Variants in VAC14 observed in about 807,000 individuals in gnomAD.
The protein encoded by VAC14 is protein VAC14 homolog.
VAC14 carries 47 observed loss-of-function variants against 85.3 expected under a neutral mutation model. The observed-to-expected ratio is 0.55, with a 90% confidence interval of 0.44 to 0.70. The LOEUF (loss-of-function observed/expected upper bound fraction) is 0.70, where lower values mean the gene tolerates loss of function less well. VAC14 is among the 30% of genes least tolerant of loss of function. VAC14 has a pLI of 0.00. For missense variants in VAC14, 861 were observed against 1,004.3 expected (o/e 0.86, Z 1.93); for synonymous variants, 447 against 430.5 (o/e 1.04, Z -0.47).
intron 12 of VAC14, among the ~76,000 whole-genome samples, chr16:70,757,187 G>A (rs903075969): frequency 3.9e-5 from 6 of 152,186 alleles, no homozygotes; most frequent in Non-Finnish European, 8.8e-5. Flanking sequence ...AGGCCCAACT[G>A]CAAAGAAAAC....
At chr16:70,692,743 A>T in intron 18 of VAC14, 78 bp downstream of exon 18, 1 of 1,531,596 alleles carries the variant, frequency 6.5e-7, no homozygotes, top group African/African-American at 1.4e-5. Flanking sequence ...AGCCCCTGGC[A>T]AGGCCCTTCC....
chr16:70,738,815 C>T (rs2029964595), intron 13 of VAC14, among the ~76,000 whole-genome samples: 1 of 152,218 alleles, frequency 6.6e-6, no homozygotes, highest in South Asian at 2.1e-4. Context: ...GTGTGGCCTG[C>T]CATGACGCTA....
At chr16:70,788,737 G>A (rs1051380426) in intron 1 of VAC14, among the ~76,000 whole-genome samples, 6 of 152,204 alleles carry the variant, frequency 3.9e-5, no homozygotes, top group Non-Finnish European at 8.8e-5. Context: ...CCATGCGGGC[G>A]GCCGGGCTTC....
chr16:70,721,977 T>C lies in VAC14; in HGVS notation c.1661+9518A>G, dbSNP rs993570452. ...GGAGGGCACCTCAGCTCTGGGGTCTTTGGATGGCTATGCAGTACCCTGCAG... is the reference window on the plus strand; with the variant it reads ...GGAGGGCACCTCAGCTCTGGGGTCTCTGGATGGCTATGCAGTACCCTGCAG... On this transcript the variant is annotated intron_variant, in intron 14 of 18. Transcript: ENST00000261776. Among the ~76,000 whole-genome samples, 8 of 152,074 alleles carry C rather than the reference T, an allele frequency of 5.3e-5. 1 individual carries two copies. The highest frequency in any genetic ancestry group is 1.5e-5 in the Non-Finnish European group (1 of 68,014).
intron 12 of VAC14, among the ~76,000 whole-genome samples, chr16:70,753,183 G>A (rs1483807958): frequency 3.9e-5 from 6 of 152,228 alleles, no homozygotes; most frequent in Non-Finnish European, 7.3e-5. Flanking sequence ...TTGTCTGATC[G>A]TGAAGATGAA....
chr16:70,753,863 G>C (rs1014564808), intron 12 of VAC14, among the ~76,000 whole-genome samples: 2 of 152,192 alleles, frequency 1.3e-5, no homozygotes, highest in Non-Finnish European at 2.9e-5. Context: ...TAGGAGGTGT[G>C]AGTGAGAGCG....
intron 12 of VAC14, among the ~76,000 whole-genome samples, chr16:70,758,485 A>G (rs184794321): frequency 7.2e-5 from 11 of 152,282 alleles, no homozygotes; most frequent in Admixed American, 5.9e-4. Context: ...GACTGTGATC[A>G]CCCTGAGAGT....
At chr16:70,752,855 T>A (rs1310111189) in intron 12 of VAC14, among the ~76,000 whole-genome samples, 3 of 152,212 alleles carry the variant, frequency 2.0e-5, no homozygotes, top group Admixed American at 2.0e-4. Flanking sequence ...AGGACGCTTC[T>A]GAGCACCTAC....
intron 3 of VAC14, among the ~76,000 whole-genome samples, chr16:70,785,142 G>C (rs988504322): frequency 1.5e-4 from 23 of 152,242 alleles, no homozygotes; most frequent in Non-Finnish European, 3.4e-4. Flanking sequence ...GCCTTCCCCA[G>C]GGGTTTCCAA....
Position 70,762,476 on chromosome 16 carries a change from G to A in VAC14, c.1371+64C>T. 1 of 1,488,894 alleles carries A rather than the reference G, an allele frequency of 6.7e-7. No individual in the cohort carries two copies. Among genetic ancestry groups the A allele is most frequent in the South Asian group, 1.2e-5 (1 of 86,918 alleles). 92.2% of individuals were successfully genotyped at this position (1,488,894 alleles called of 1,614,324 possible). On this transcript the variant is annotated intron_variant, in intron 12 of 18. Coordinates refer to ENST00000261776, the MANE Select transcript of VAC14 (RefSeq NM_018052.5). The surrounding 1 kb of genome is among the most constrained non-coding windows in gnomAD (Gnocchi z 4.1). ...ACTGTACCAAAATAAGCATATCTCAGTCACTAACAAGGGGAGGCAGGGCAG... is the reference window on the plus strand; with the variant it reads ...ACTGTACCAAAATAAGCATATCTCAATCACTAACAAGGGGAGGCAGGGCAG...
chr16:70,703,461 T>C (rs2053866826), intron 14 of VAC14, among the ~76,000 whole-genome samples: 1 of 151,976 alleles, frequency 6.6e-6, no homozygotes, highest in Non-Finnish European at 1.5e-5. Context: ...GGGCCTCTGG[T>C]ATATCCCGAT....
intron 1 of VAC14, among the ~76,000 whole-genome samples, chr16:70,796,555 C>T (rs952229042): frequency 6.6e-6 from 1 of 152,212 alleles, no homozygotes; most frequent in Non-Finnish European, 1.5e-5. Context: ...TAGGTTCTAG[C>T]TGTGAAACCA....
intron 1 of VAC14, among the ~76,000 whole-genome samples, chr16:70,799,091 A>G (rs947327485): frequency 2.0e-5 from 3 of 152,206 alleles, no homozygotes; most frequent in African/African-American, 4.8e-5. Context: ...AGCAACAATA[A>G]TGTTGAGATG....
intron 18 of VAC14, chr16:70,688,936 A>C: frequency 1.0e-6 from 1 of 985,504 alleles, no homozygotes; most frequent in South Asian, 4.7e-5. Context: ...CATGTGGGCT[A>C]GGAAGTATCT....
chr16:70,731,237 GGGAAGATAGTAACTCA>G, intron 14 of VAC14: 1 of 1,193,754 alleles, frequency 8.4e-7, no homozygotes, highest in East Asian at 3.7e-5. Context: ...TCCACCTCAG[GGGAAGATAGTAACTCA>G]GGAAGCAAAA....
At chr16:70,800,236 G>A (rs2034717656) in intron 1 of VAC14, among the ~76,000 whole-genome samples, 1 of 152,364 alleles carries the variant, frequency 6.6e-6, no homozygotes, top group Middle Eastern at 3.4e-3. Flanking sequence ...CAAGACTGCA[G>A]AAGCAAGAAA....
At chr16:70,696,236 G>C (rs2053706592) in intron 16 of VAC14, among the ~76,000 whole-genome samples, 1 of 152,220 alleles carries the variant, frequency 6.6e-6, no homozygotes, top group African/African-American at 2.4e-5. Flanking sequence ...AATCTGGCCA[G>C]GCGCGGTGGC....
At chr16:70,716,807 G>A (rs2054176769) in intron 14 of VAC14, 1 of 152,274 alleles carries the variant, frequency 6.6e-6, no homozygotes, top group Admixed American at 6.5e-5. Context: ...TTGGCGGAAG[G>A]AGGCCACAAA....
chr16:70,731,635 G>A lies in VAC14; in HGVS notation c.1529-8C>T. The A allele has an allele frequency of 6.2e-7, 1 of 1,613,560 alleles. No individual in the cohort carries two copies. On this transcript the variant is annotated splice_polypyrimidine_tract_variant and splice_region_variant and intron_variant, in intron 13 of 18. Coordinates refer to ENST00000261776, the MANE Select transcript of VAC14 (RefSeq NM_018052.5). ...ATTCTAAGCCTTTGGTACCTGTAGA[G>A]AAAGGGATAGAGCCAGCATTTATTC...
Sources: allele counts gnomAD v4.1 joint callset (sites outside exome capture counted in the v4.1 genomes callset), GRCh38; gene constraint gnomAD v4.1.1; non-coding constraint Gnocchi (gnomAD v3.1); transcripts MANE v1.5; gene names NCBI Gene and HGNC (gene_info 2026-07-23, HGNC 2026-07-21).